ZNF76: variants seen among roughly 807,000 people sequenced by gnomAD.
ZNF76 encodes zinc finger protein 523.
A neutral mutation model predicts 66.9 loss-of-function variants in ZNF76; 66 were observed. The ratio of observed to expected loss-of-function variants is 0.99; its 90% CI spans 0.81 to 1.21. ZNF76 has a LOEUF of 1.21. Ranked by LOEUF, ZNF76 falls within the 50% of genes most tolerant of loss-of-function variation. The pLI, the probability that ZNF76 is intolerant of heterozygous loss-of-function variation, is 0.00. For missense variants in ZNF76, 729 were observed against 760.3 expected (o/e 0.96, Z 0.48); for synonymous variants, 275 against 296.1 (o/e 0.93, Z 0.73).
intron 11 of ZNF76, 113 bp from the exon 12 acceptor site, chr6:35,293,638 T>C (rs1287547586): frequency 3.8e-6 from 5 of 1,313,030 alleles, no homozygotes; most frequent in Non-Finnish European, 4.2e-6. Context: ...TCCACCACTA[T>C]GACATGAAAC....
chr6:35,287,648 G>A lies in ZNF76; in HGVS notation c.235G>A (p.Gly79Ser), dbSNP rs770297922. 3.1e-6 allele frequency: 5 copies of A among 1,608,508 alleles called. No homozygotes were observed. In the South Asian group the frequency reaches 4.4e-5, roughly 14 times the overall value. ...MAYIHRTPRE[G>S]YDPSTLEAVQ... ...GGCTAACCGCGTGTTCCCTGCAGAA[G>A]GCTATGACCCCAGCACCCTGGAAGC... Residue 79 changes from glycine to serine, a missense_variant and splice_region_variant, in exon 5 of 14, where the codon GGC becomes AGC. Coordinates refer to ENST00000373953, the MANE Select transcript of ZNF76 (RefSeq NM_003427.5). The surrounding 1 kb of genome is among the most constrained non-coding windows in gnomAD (Gnocchi z 4.0).
intron 1 of ZNF76, among the ~76,000 whole-genome samples, chr6:35,266,797 C>CTTTTTTTTTT (rs57833954): frequency 3.4e-4 from 32 of 93,278 alleles, no homozygotes; most frequent in Non-Finnish European, 4.6e-4. Flanking sequence ...TTGTCTATTT[C>CTTTTTTTTTT]TTTTTTTTTT....
Position 35,292,869 on chromosome 6 carries a change from C to T in ZNF76, c.1166-12C>T. The stretch of plus-strand genomic sequence containing the variant: ...CTGGTAGCAGATGTCAGCCTTGGCT[C>T]TCCTCTCCCAGCCGCCTCTGCAGCC... On this transcript the variant is annotated splice_polypyrimidine_tract_variant and intron_variant, in intron 10 of 13. Transcript: ENST00000373953. The surrounding 1 kb of genome is among the most constrained non-coding windows in gnomAD (Gnocchi z 4.7). The T allele has an allele frequency of 1.9e-6, 3 of 1,614,054 alleles. No homozygotes were observed. Among genetic ancestry groups the T allele is most frequent in the Non-Finnish European group, 2.5e-6 (3 of 1,179,996 alleles).
chr6:35,273,516 C>T (rs1372011037), intron 1 of ZNF76, among the ~76,000 whole-genome samples: 5 of 151,810 alleles, frequency 3.3e-5, no homozygotes, highest in African/African-American at 4.8e-5. Flanking sequence ...GGCACAATGG[C>T]TCACACCTAT....
chr6:35,262,651 A>G (rs1377601574), intron 1 of ZNF76, among the ~76,000 whole-genome samples: 1 of 151,454 alleles, frequency 6.6e-6, no homozygotes, highest in Non-Finnish European at 1.5e-5. Flanking sequence ...TCAGTGTTCT[A>G]CTCCCACCAC....
chr6:35,269,280 C>CA (rs10615994), intron 1 of ZNF76, among the ~76,000 whole-genome samples: 45,730 of 82,212 alleles, frequency 0.56, 14,216 homozygotes, highest in South Asian at 0.75. Context: ...GACTCTGTCT[C>CA]AAAAAAAAAA....
intron 1 of ZNF76, among the ~76,000 whole-genome samples, chr6:35,267,716 A>G (rs1335293651): frequency 6.6e-6 from 1 of 152,190 alleles, no homozygotes; most frequent in East Asian, 1.9e-4. Context: ...TGCAGACGAA[A>G]CATGGGGCTG....
At chr6:35,268,251 C>T (rs150137866) in intron 1 of ZNF76, among the ~76,000 whole-genome samples, 10 of 152,288 alleles carry the variant, frequency 6.6e-5, no homozygotes, top group Non-Finnish European at 1.3e-4. Context: ...AAACACACTC[C>T]GTGGCAGTGT....
At chr6:35,272,891 T>C (rs1251539679) in intron 1 of ZNF76, among the ~76,000 whole-genome samples, 23 of 152,164 alleles carry the variant, frequency 1.5e-4, no homozygotes, top group Non-Finnish European at 1.5e-5. Flanking sequence ...TGGTGGCTCA[T>C]GCCTGTAATC....
In ZNF76 at chr6:35,287,816, G is replaced by C; in HGVS notation, c.403G>C (p.Val135Leu). ...TGATGAGGGCTTCAGTGCAGACGCA[G>C]TGGTGGCCCTGGAGCAGTATGCCAG... ...EDDEGFSADAVVALEQYASKV... is the reference protein window; with the variant it reads ...EDDEGFSADALVALEQYASKV... The change falls in exon 5 of 14, where the codon GTG becomes CTG. Residue 135 changes from valine to leucine, a missense_variant. Coordinates refer to ENST00000373953, the MANE Select transcript of ZNF76 (RefSeq NM_003427.5). This position sits in a 1 kb window ranked among gnomAD's most constrained non-coding sequence, Gnocchi z 4.0. 6.2e-7 allele frequency: 1 copy of C among 1,607,524 alleles called. No individual in the cohort carries two copies. The highest frequency in any genetic ancestry group is 8.5e-7 in the Non-Finnish European group (1 of 1,176,998).
Position 35,287,882 on chromosome 6 carries a change from G to A in ZNF76, c.432+37G>A. 2.6e-6 allele frequency: 4 copies of A among 1,552,482 alleles called. No homozygotes were observed. Among genetic ancestry groups the A allele is most frequent in the Non-Finnish European group, 3.5e-6 (4 of 1,147,912 alleles). Reference sequence around the variant, plus strand: ...CAGCGTGACACGGTCTGTCACTCTAGACAACCGGGCCTGGCCTGCGCACTG... The same window carrying A: ...CAGCGTGACACGGTCTGTCACTCTAAACAACCGGGCCTGGCCTGCGCACTG... On this transcript the variant is annotated intron_variant, in intron 5 of 13. Transcript: ENST00000373953. This position sits in a 1 kb window ranked among gnomAD's most constrained non-coding sequence, Gnocchi z 4.0.
chr6:35,272,469 CTGTGTG>C (rs58456911), intron 1 of ZNF76, among the ~76,000 whole-genome samples: 1,665 of 149,612 alleles, frequency 0.011, 19 homozygotes, highest in African/African-American at 0.028. Context: ...GACCCTGTTT[CTGTGTG>C]TGTGTGTGTG....
At chr6:35,288,592 G>A (rs1789935217) in intron 5 of ZNF76, among the ~76,000 whole-genome samples, 1 of 152,180 alleles carries the variant, frequency 6.6e-6, no homozygotes, top group African/African-American at 2.4e-5. Flanking sequence ...AGATGGGGGA[G>A]GTTTTTTATT....
rs1195853502 is a variant in ZNF76, at chr6:35,290,346, C to G, written c.513C>G (p.Gly171=). Residue 171 remains glycine, a synonymous_variant, in exon 6 of 14, where the codon GGC becomes GGG. Coordinates refer to ENST00000373953, the MANE Select transcript of ZNF76 (RefSeq NM_003427.5). Reference sequence around the variant, plus strand: ...GAGCATTCCGCTGTGGCTACAAGGGCTGTGGGCGTCTCTACACCACCGCTC... The same window carrying G: ...GAGCATTCCGCTGTGGCTACAAGGGGTGTGGGCGTCTCTACACCACCGCTC... ...GDRAFRCGYK[G]CGRLYTTAHH... is the part of the protein sequence containing the mutation. 6 of 1,614,178 alleles carry G rather than the reference C, an allele frequency of 3.7e-6. No homozygotes were observed. Among genetic ancestry groups the G allele is most frequent in the Non-Finnish European group, 5.1e-6 (6 of 1,180,026 alleles).
Position 35,292,318 on chromosome 6 carries a change from T to A in ZNF76, c.932-236T>A. 14 of 523,148 alleles carry A rather than the reference T, an allele frequency of 2.7e-5. No homozygotes were observed. The highest frequency in any genetic ancestry group is 6.9e-5 in the East Asian group (2 of 29,126). 32.4% of individuals were successfully genotyped at this position (523,148 alleles called of 1,614,324 possible). A position where few individuals can be genotyped will look rare whatever the true frequency, so the allele number is the denominator to read the frequency against. ...ACCAGCCCCTTCACTAGCCCCAGCC[T>A]TGCCCTGTCCCCCGTTTCCTTTCCG... is the stretch of plus-strand genomic sequence containing the variant. On this transcript the variant is annotated intron_variant, in intron 9 of 13. Transcript: ENST00000373953. The surrounding 1 kb of genome is among the most constrained non-coding windows in gnomAD (Gnocchi z 4.7).
In ZNF76 at chr6:35,286,511, G is replaced by C. The variant is rs1036832705; in HGVS notation, c.232+112G>C. The C allele has an allele frequency of 3.0e-6, 3 of 992,962 alleles. No individual in the cohort carries two copies. In the African/African-American group the frequency reaches 4.8e-5, roughly 16 times the overall value. The allele number at this position is 992,962 out of a possible 1,614,324, so 61.5% of individuals were successfully genotyped here. On this transcript the variant is annotated intron_variant, in intron 4 of 13. Coordinates refer to ENST00000373953, the MANE Select transcript of ZNF76 (RefSeq NM_003427.5). The stretch of plus-strand genomic sequence containing the variant: ...CAACTGGGGTGTAGACATGGGAGCT[G>C]TCATCTCCATGGTACACACATGCTC...
chr6:35,275,023 T>A (rs897027888), intron 1 of ZNF76, among the ~76,000 whole-genome samples: 5 of 151,912 alleles, frequency 3.3e-5, no homozygotes, highest in African/African-American at 1.2e-4. Flanking sequence ...GGCGTGGTGG[T>A]GCATGCCTGT....
chr6:35,261,935 ATCT>A (rs1267193411), intron 1 of ZNF76, among the ~76,000 whole-genome samples: 2 of 152,184 alleles, frequency 1.3e-5, no homozygotes, highest in Admixed American at 6.5e-5. Context: ...GAGGGAAAAT[ATCT>A]TCTTAGGTTC....
At position 35,271,669 on chromosome 6, in the gene ZNF76, C is replaced by CA. The variant is rs1248714563; in HGVS notation, c.-96-9372dup. 3.1e-3 allele frequency among the ~76,000 whole-genome samples: 313 copies of CA among 100,398 alleles called. 1 individual carries two copies. The highest frequency in any genetic ancestry group is 6.4e-3 in the African/African-American group (157 of 24,618). 65.9% of individuals were successfully genotyped at this position (100,398 alleles called of 152,430 possible). A position where few individuals can be genotyped will look rare whatever the true frequency, so the allele number is the denominator to read the frequency against. On this transcript the variant is annotated intron_variant, in intron 1 of 13. Transcript: ENST00000373953. ...TGGGCGACAGAGCGAGACTCCGTCT[C>CA]AAAAAAAAAAAAAAAGAAAAAAAAA... is the stretch of plus-strand genomic sequence containing the variant.
Sources: allele counts gnomAD v4.1 joint callset (sites outside exome capture counted in the v4.1 genomes callset), GRCh38; gene constraint gnomAD v4.1.1; non-coding constraint Gnocchi (gnomAD v3.1); transcripts MANE v1.5; gene names NCBI Gene and HGNC (gene_info 2026-07-23, HGNC 2026-07-21).